HDAC2: variants seen among roughly 807,000 people sequenced by gnomAD.
The protein encoded by HDAC2 is YY1-associated factor 1.
HDAC2 carries 5 observed loss-of-function variants against 68.5 expected under a neutral mutation model. The ratio of observed to expected loss-of-function variants is 0.07; its 90% confidence interval spans 0.04 to 0.15. The LOEUF (loss-of-function observed/expected upper bound fraction) is 0.15, where lower values mean the gene tolerates loss of function less well. HDAC2 is among the 10% of genes least tolerant of loss of function. The pLI, the probability that HDAC2 is intolerant of heterozygous loss-of-function variation, is 1.00. For synonymous variants in HDAC2, 182 were observed against 191.3 expected, an observed-to-expected ratio of 0.95 and a Z score of 0.40; for missense variants, 291 against 600.8, an observed-to-expected ratio of 0.48 and a Z score of 5.39.
rs367619046 is a variant in HDAC2 at position 113,945,409 on chromosome 6, A to T, written c.1044T>A (p.Pro348=). The T allele has an allele frequency of 8.3e-6, 13 of 1,565,882 alleles. No homozygotes were observed. Among genetic ancestry groups the T allele is most frequent in the Non-Finnish European group, 1.1e-5 (12 of 1,136,500 alleles). Residue 348 remains proline, a synonymous_variant, in exon 10 of 14, where the codon CCT becomes CCA. Coordinates refer to ENST00000519065, the MANE Select transcript of HDAC2 (RefSeq NM_001527.4). ...GAGTGTTCTGGTTTGTCATGTTTGAAGGACTAATATGCAGTTTGAAGTCTG... is the reference window on the plus strand; with the variant it reads ...GAGTGTTCTGGTTTGTCATGTTTGATGGACTAATATGCAGTTTGAAGTCTG... ...FGPDFKLHIS[P]SNMTNQNTPE...
rs1191945370 is a variant in HDAC2 at position 113,937,795 on chromosome 6, T to G, written c.*3263A>C. ...TAAGCCTAGAAGTTCTAAGATGTAG[T>G]GAGATATGATCAGGCTACCACACTC... On this transcript the variant is annotated 3_prime_UTR_variant, in exon 14 of 14. Coordinates refer to ENST00000519065, the MANE Select transcript of HDAC2 (RefSeq NM_001527.4). The G allele has an allele frequency of 6.6e-6, 1 of 152,016 alleles. No homozygotes were observed. Among genetic ancestry groups the G allele is most frequent in the African/African-American group, 2.4e-5 (1 of 41,386 alleles). The allele number at this position is 152,016 out of a possible 1,614,324, so 9.4% of individuals were successfully genotyped here.
At chr6:113,959,347 TTTC>T (rs1476349358) in intron 2 of HDAC2, among the ~76,000 whole-genome samples, 1 of 152,092 alleles carries the variant, frequency 6.6e-6, no homozygotes, top group Non-Finnish European at 1.5e-5. Flanking sequence ...GTTTTAAATA[TTTC>T]TTTTCTCCCC....
At chr6:113,952,160 T>C (rs562596589) in intron 6 of HDAC2, among the ~76,000 whole-genome samples, 1 of 152,222 alleles carries the variant, frequency 6.6e-6, no homozygotes, top group Non-Finnish European at 1.5e-5. Context: ...TCCCAGGTGA[T>C]GCTGATCTGC....
chr6:113,943,959 T>C (rs1201168054), intron 11 of HDAC2, among the ~76,000 whole-genome samples: 5 of 152,226 alleles, frequency 3.3e-5, no homozygotes, highest in Non-Finnish European at 5.9e-5. Flanking sequence ...AATGAGAAGT[T>C]GTAAAATCAA....
At chr6:113,957,840 G>A (rs991501074) in intron 3 of HDAC2, among the ~76,000 whole-genome samples, 1 of 151,568 alleles carries the variant, frequency 6.6e-6, no homozygotes, top group Non-Finnish European at 1.5e-5. Context: ...AATCAATCCT[G>A]TTATGTTGTT....
intron 5 of HDAC2, among the ~76,000 whole-genome samples, chr6:113,955,132 T>C (rs553973024): frequency 2.0e-5 from 3 of 152,360 alleles, no homozygotes; most frequent in Non-Finnish European, 2.9e-5. Context: ...TTTTTACTAG[T>C]TGAAACTAAC....
rs986379710 is a variant in HDAC2 at position 113,940,995 on chromosome 6, A to G, written c.*63T>C. Reference sequence around the variant, plus strand: ...AATGAAGCCAGAAGTCTTCAAAAAGAAAACATTTTCCTTTCAATATTTTCT... The same window carrying G: ...AATGAAGCCAGAAGTCTTCAAAAAGGAAACATTTTCCTTTCAATATTTTCT... On this transcript the variant is annotated 3_prime_UTR_variant, in exon 14 of 14. Coordinates refer to ENST00000519065, the MANE Select transcript of HDAC2 (RefSeq NM_001527.4). 4 of 1,331,474 alleles carry G rather than the reference A, an allele frequency of 3.0e-6. No individual in the cohort carries two copies. The highest frequency in any genetic ancestry group is 1.5e-5 in the African/African-American group (1 of 68,580). 82.5% of individuals were successfully genotyped at this position (1,331,474 alleles called of 1,614,324 possible).
intron 5 of HDAC2, 127 bp from the exon 6 acceptor site, chr6:113,953,545 A>G (rs1776471366): frequency 1.7e-6 from 1 of 581,690 alleles, no homozygotes; most frequent in South Asian, 2.5e-5. Flanking sequence ...TTTTACATTC[A>G]GCCTAAGAGG....
chr6:113,953,500 T>C, intron 5 of HDAC2, 82 bp from the exon 6 acceptor site: 1 of 736,338 alleles, frequency 1.4e-6, no homozygotes, highest in Non-Finnish European at 2.2e-6. Context: ...GGAAACCCAT[T>C]TTTGAGCTCT....
chr6:113,947,626 T>A, intron 8 of HDAC2: 1 of 152,284 alleles, frequency 6.6e-6, no homozygotes, highest in South Asian at 2.1e-4. Flanking sequence ...AAGAGTACAT[T>A]AGGTAGATCA....
At chr6:113,953,217 AG>A in intron 6 of HDAC2, 59 bp downstream of exon 6, 5 of 1,215,866 alleles carry the variant, frequency 4.1e-6, no homozygotes, top group Non-Finnish European at 5.9e-6. Flanking sequence ...CTTCAAGTAT[AG>A]GATTACTGAT....
intron 4 of HDAC2, 152 bp from the exon 5 acceptor site, chr6:113,956,303 C>A (rs931033494): frequency 2.5e-5 from 16 of 646,572 alleles, no homozygotes; most frequent in Non-Finnish European, 3.8e-5. Flanking sequence ...ATAGGAGTTA[C>A]TCCTTAGAAA....
chr6:113,965,332 T>C (rs899108214), intron 1 of HDAC2, among the ~76,000 whole-genome samples: 1 of 152,100 alleles, frequency 6.6e-6, no homozygotes, highest in African/African-American at 2.4e-5. Context: ...CTTTTCTGAT[T>C]ACACTATCAA....
At chr6:113,944,504 G>T in intron 10 of HDAC2, 94 bp from the exon 11 acceptor site, 1 of 1,069,400 alleles carries the variant, frequency 9.4e-7, no homozygotes. Flanking sequence ...TTTCATCTTT[G>T]GTCTAGCTAA....
intron 1 of HDAC2, chr6:113,970,569 C>G (rs575016180): frequency 1.1e-5 from 14 of 1,252,604 alleles, no homozygotes; most frequent in Non-Finnish European, 1.2e-5. Context: ...AGGCCGGCGC[C>G]GTCCCCAGCG....
intron 6 of HDAC2, among the ~76,000 whole-genome samples, chr6:113,949,964 A>G (rs935395397): frequency 6.6e-6 from 1 of 152,108 alleles, no homozygotes; most frequent in Non-Finnish European, 1.5e-5. Context: ...TATCTTTAGT[A>G]GAGACAGGGT....
At position 113,970,514 on chromosome 6, in the gene HDAC2, G is replaced by A. The variant is rs905382948; in HGVS notation, c.52+343C>T. On this transcript the variant is annotated intron_variant, in intron 1 of 13. Transcript: ENST00000519065. Reference sequence around the variant, plus strand: ...CACGAATGGTGGGCGGGAGAAGGGAGAGAATGGGCCGCCCCCTTCGCCGCC... The same window carrying A: ...CACGAATGGTGGGCGGGAGAAGGGAAAGAATGGGCCGCCCCCTTCGCCGCC... 5.9e-6 allele frequency: 7 copies of A among 1,180,162 alleles called. No individual in the cohort carries two copies. In the African/African-American group the frequency reaches 6.5e-5, roughly 11 times the overall value. The allele number at this position is 1,180,162 out of a possible 1,614,324, so 73.1% of individuals were successfully genotyped here. A position where few individuals can be genotyped will look rare whatever the true frequency, so the allele number is the denominator to read the frequency against.
At position 113,956,901 on chromosome 6, in the gene HDAC2, T is replaced by A. The variant is rs1776567079; in HGVS notation, c.284-208A>T. 4 of 495,768 alleles carry A rather than the reference T, an allele frequency of 8.1e-6. No homozygotes were observed. In the South Asian group the frequency reaches 1.2e-4, roughly 15 times the overall value. The allele number at this position is 495,768 out of a possible 1,614,324, so 30.7% of individuals were successfully genotyped here. On this transcript the variant is annotated intron_variant, in intron 3 of 13. Coordinates refer to ENST00000519065, the MANE Select transcript of HDAC2 (RefSeq NM_001527.4). ...GTGTTATCTGTGAAAGATCATCAAA[T>A]CTTATCAGGATTATCTGTGGAATAT...
At position 113,971,087 on chromosome 6, in the gene HDAC2, C is replaced by T. The variant is rs371775314; in HGVS notation, c.-179G>A. 237 of 1,550,434 alleles carry T rather than the reference C, an allele frequency of 1.5e-4. No individual in the cohort carries two copies. The highest frequency in any genetic ancestry group is 1.2e-3 in the Middle Eastern group (7 of 5,706). ...GGGCGCCGGGAAGGCTCGGTACCAC[C>T]CGGCAGAGGTGCCGAAAGCTCGGAA... On this transcript the variant is annotated 5_prime_UTR_variant, in exon 1 of 14. Transcript: ENST00000519065.
Sources: gnomAD v4.1 joint callset for allele counts (sites outside exome capture counted in the v4.1 genomes callset) on GRCh38, gnomAD v4.1.1 for gene constraint, MANE v1.5 for transcripts, NCBI Gene and HGNC (gene_info 2026-07-23, HGNC 2026-07-21) for gene names.